Variants in MAN1A2 observed in about 807,000 individuals in gnomAD.
MAN1A2 encodes the protein mannosyl-oligosaccharide 1,2-alpha-mannosidase IB.
MAN1A2 carries 26 observed loss-of-function variants against 75.7 expected under a neutral mutation model. That is an observed-to-expected ratio of 0.34 (90% CI 0.25 to 0.48). The LOEUF (loss-of-function observed/expected upper bound fraction) is 0.48, where lower values mean the gene tolerates loss of function less well. Ranked by LOEUF, MAN1A2 falls within the 20% of genes least tolerant of loss-of-function variation. The probability of loss-of-function intolerance (pLI) is 0.99; values close to 1 mark genes in which losing one functional copy is unlikely to be tolerated. For synonymous variants in MAN1A2, 247 were observed against 264.6 expected, an observed-to-expected ratio of 0.93 and a Z score of 0.65; for missense variants, 562 against 775.5, an observed-to-expected ratio of 0.72 and a Z score of 3.27.
Position 117,420,579 on chromosome 1 carries a change from T to C in MAN1A2, c.785T>C (p.Val262Ala), listed in dbSNP as rs1211485866. The change falls in exon 5 of 13, where the codon GTG (valine) becomes GCG (alanine). Residue 262 changes from valine (V) to alanine (A), a missense_variant. Val to Ala is a moderately conservative substitution (Grantham distance 64). This residue lies in a region of MAN1A2 where 434 missense variants were observed against 645.7 expected (regional missense o/e 0.67). Coordinates refer to ENST00000356554, the MANE Select transcript of MAN1A2 (RefSeq NM_006699.5). The part of the protein sequence containing the change: ...DNLDFSVNSE[V>A]SVFEVNIRFI... ...ATATGTTTTTCACAGAATTCAGAGGTGTCTGTGTTTGAAGTCAACATTCGA... is the reference window on the plus strand; with the variant it reads ...ATATGTTTTTCACAGAATTCAGAGGCGTCTGTGTTTGAAGTCAACATTCGA... 1.2e-6 allele frequency: 2 copies of C among 1,610,422 alleles called. No homozygotes were observed. The highest frequency in any genetic ancestry group is 1.7e-6 in the Non-Finnish European group (2 of 1,176,930).
At chr1:117,473,733 CA>C (rs1419879506) in intron 8 of MAN1A2, among the ~76,000 whole-genome samples, 1 of 151,876 alleles carries the variant, frequency 6.6e-6, no homozygotes, top group African/African-American at 2.4e-5. Context: ...TTTTTTTACT[CA>C]AAAGTTACCT....
At chr1:117,371,038 A>C (rs1036418241) in intron 1 of MAN1A2, among the ~76,000 whole-genome samples, 7 of 152,190 alleles carry the variant, frequency 4.6e-5, no homozygotes, top group African/African-American at 1.4e-4. Context: ...GCATGTATCT[A>C]CTTTACAGAT....
intron 1 of MAN1A2, among the ~76,000 whole-genome samples, chr1:117,377,901 C>T (rs1052230796): frequency 2.6e-5 from 4 of 152,018 alleles, no homozygotes; most frequent in Non-Finnish European, 5.9e-5. Flanking sequence ...GTGATTGAGA[C>T]CATCCTGGCT....
chr1:117,460,548 G>A lies in MAN1A2; in HGVS notation c.1010G>A (p.Gly337Asp), dbSNP rs1198699746. Residue 337 changes from glycine (G) to aspartate (D), a missense_variant, in exon 7 of 13, where the codon GGT (glycine) becomes GAT (aspartate). This residue lies in a region of MAN1A2 where 434 missense variants were observed against 645.7 expected (regional missense o/e 0.67). Coordinates refer to ENST00000356554, the MANE Select transcript of MAN1A2 (RefSeq NM_006699.5). ...GGTAGCAGCATTCTGGCTGAATTTG[G>A]TACACTACATATGGAGTTCATCCAC... ...SAGSSILAEFGTLHMEFIHLS... is the reference protein window; with the variant it reads ...SAGSSILAEFDTLHMEFIHLS... 1 of 1,612,700 alleles carries A rather than the reference G, an allele frequency of 6.2e-7. No homozygotes were observed. Among genetic ancestry groups the A allele is most frequent in the Non-Finnish European group, 8.5e-7 (1 of 1,179,340 alleles).
At position 117,505,887 on chromosome 1, in the gene MAN1A2, A is replaced by G. The variant is rs375815792; in HGVS notation, c.1793+2917A>G. ...AAAAAGGGTAATTTGAATATTGGCA[A>G]TTTAGTATAGTTCAACCTAATACAT... On this transcript the variant is annotated intron_variant, in intron 12 of 12. Coordinates refer to ENST00000356554, the MANE Select transcript of MAN1A2 (RefSeq NM_006699.5). Among the ~76,000 whole-genome samples the G allele has an allele frequency of 6.6e-5, 10 of 151,550 alleles. No homozygotes were observed. In the East Asian group the frequency reaches 1.9e-3, roughly 29 times the overall value.
intron 6 of MAN1A2, among the ~76,000 whole-genome samples, chr1:117,446,589 C>T (rs772171491): frequency 2.0e-5 from 3 of 151,894 alleles, no homozygotes; most frequent in Non-Finnish European, 2.9e-5. Context: ...AATTTTAGGA[C>T]GTTTCTTAGA....
rs551165636 is a variant in MAN1A2 at position 117,474,912 on chromosome 1, T to G, written c.1168+8485T>G. Among the ~76,000 whole-genome samples, 52 of 152,066 alleles carry G rather than the reference T, an allele frequency of 3.4e-4. 2 individuals are homozygous for G. In the South Asian group the frequency reaches 0.011, roughly 31 times the overall value. On this transcript the variant is annotated intron_variant, in intron 8 of 12. Transcript: ENST00000356554. ...CTGCTTTCTGTCATTAAAGCTTGGG[T>G]TGCCTTTTCTAGAATCTTAGATAAA...
At chr1:117,414,571 C>A (rs552481438) in intron 3 of MAN1A2, 142 bp from the exon 4 acceptor site, 201 of 491,082 alleles carry the variant, frequency 4.1e-4, no homozygotes, top group African/African-American at 3.7e-3. Context: ...AATTTTTAGT[C>A]CTTATACTCT....
chr1:117,426,649 A>G (rs1297068246), intron 5 of MAN1A2, among the ~76,000 whole-genome samples: 1 of 152,166 alleles, frequency 6.6e-6, no homozygotes, highest in Non-Finnish European at 1.5e-5. Flanking sequence ...CGTGTAATTT[A>G]TTGAATACTG....
Position 117,458,633 on chromosome 1 carries a change from C to T in MAN1A2, c.951-1856C>T, listed in dbSNP as rs1168091344. ...CTGCATTCTGGGTTTAAGCGATTCT[C>T]CTGCCTCAGCCTCCTGAGTAGCTGG... is the stretch of plus-strand genomic sequence containing the variant. On this transcript the variant is annotated intron_variant, in intron 6 of 12. Coordinates refer to ENST00000356554, the MANE Select transcript of MAN1A2 (RefSeq NM_006699.5). Among the ~76,000 whole-genome samples, 6 of 150,556 alleles carry T rather than the reference C, an allele frequency of 4.0e-5. No individual in the cohort carries two copies. The East Asian group carries it at 1.2e-3, about 29-fold the overall frequency.
chr1:117,520,156 C>T (rs576163163), intron 12 of MAN1A2, among the ~76,000 whole-genome samples: 16 of 152,088 alleles, frequency 1.1e-4, no homozygotes, highest in African/African-American at 3.6e-4. Context: ...GCAAAATCGG[C>T]ATACAAGGGA....
chr1:117,387,127 G>T (rs1446055364), intron 1 of MAN1A2, among the ~76,000 whole-genome samples: 1 of 148,532 alleles, frequency 6.7e-6, no homozygotes, highest in Non-Finnish European at 1.5e-5. Context: ...ATAAACACAT[G>T]AAAAGATGCT....
intron 12 of MAN1A2, among the ~76,000 whole-genome samples, chr1:117,511,107 T>C (rs140836577): frequency 3.2e-4 from 48 of 152,016 alleles, no homozygotes; most frequent in Non-Finnish European, 5.9e-4. Flanking sequence ...ACATCTTACG[T>C]GGTGGCAGGA....
At chr1:117,452,113 C>T (rs111987432) in intron 6 of MAN1A2, among the ~76,000 whole-genome samples, 1 of 152,018 alleles carries the variant, frequency 6.6e-6, no homozygotes, top group African/African-American at 2.4e-5. Flanking sequence ...TCGAGACCAG[C>T]CTAGCCAATG....
chr1:117,445,055 CTTG>C (rs1417179667), intron 6 of MAN1A2, among the ~76,000 whole-genome samples: 14 of 151,968 alleles, frequency 9.2e-5, no homozygotes, highest in Non-Finnish European at 1.3e-4. Context: ...CTGAGATGTT[CTTG>C]TTGTTGTTTT....
intron 12 of MAN1A2, among the ~76,000 whole-genome samples, chr1:117,521,064 A>G (rs1651857803): frequency 1.3e-5 from 2 of 152,020 alleles, no homozygotes; most frequent in Non-Finnish European, 2.9e-5. Flanking sequence ...AAAGTGGGGT[A>G]AAGACACCCT....
intron 6 of MAN1A2, among the ~76,000 whole-genome samples, chr1:117,458,519 A>ATTTTTTTTT (rs1649695560): frequency 2.1e-5 from 2 of 96,342 alleles, no homozygotes; most frequent in East Asian, 2.4e-4. Flanking sequence ...ATAGATATAT[A>ATTTTTTTTT]TATATTTTTT....
chr1:117,495,615 C>T (rs532353155), intron 9 of MAN1A2, among the ~76,000 whole-genome samples: 1 of 151,718 alleles, frequency 6.6e-6, no homozygotes, highest in African/African-American at 2.4e-5. Flanking sequence ...TCTAGTAAGT[C>T]CAGGTGGATA....
At chr1:117,371,004 T>C (rs1358825399) in intron 1 of MAN1A2, among the ~76,000 whole-genome samples, 2 of 152,204 alleles carry the variant, frequency 1.3e-5, no homozygotes, top group Admixed American at 6.6e-5. Flanking sequence ...TAAAACTCTA[T>C]ATTGTTTCCT....
Sources: allele counts gnomAD v4.1 joint callset (sites outside exome capture counted in the v4.1 genomes callset), GRCh38; gene constraint gnomAD v4.1.1; regional missense constraint gnomAD v4.1.1; transcripts MANE v1.5; gene names NCBI Gene and HGNC (gene_info 2026-07-23, HGNC 2026-07-21).